Variants in TMEFF1 observed in about 807,000 individuals in gnomAD.
TMEFF1 encodes transmembrane protein with EGF like and two follistatin like domains 1, also known as tomoregulin-1.
A neutral mutation model predicts 47.5 loss-of-function variants in TMEFF1; 20 were observed. The observed-to-expected ratio is 0.42, with a 90% CI of 0.30 to 0.61. The LOEUF (loss-of-function observed/expected upper bound fraction) is 0.61, where lower values mean the gene tolerates loss of function less well. Ranked by LOEUF, TMEFF1 falls within the 20% of genes least tolerant of loss-of-function variation. The probability of loss-of-function intolerance (pLI) is 0.19; values close to 1 mark genes in which losing one functional copy is unlikely to be tolerated. For missense variants in TMEFF1, 411 were observed against 471.1 expected, an observed-to-expected ratio of 0.87 and a Z score of 1.18; for synonymous variants, 162 against 166.3, an observed-to-expected ratio of 0.97 and a Z score of 0.20.
Position 100,513,409 on chromosome 9 carries a change from T to A in TMEFF1, c.463+76T>A, listed in dbSNP as rs545765366. Reference sequence around the variant, plus strand: ...TTTCTTTTTCTTTTTTTTTTTTTTTTTAAATCAGCTTTGAGATATAATTCA... The same window carrying A: ...TTTCTTTTTCTTTTTTTTTTTTTTTATAAATCAGCTTTGAGATATAATTCA... On this transcript the variant is annotated intron_variant, in intron 4 of 9. Coordinates refer to ENST00000374879, the MANE Select transcript of TMEFF1 (RefSeq NM_003692.5). 8.5e-4 allele frequency: 1,236 copies of A among 1,447,126 alleles called. 7 individuals are homozygous for A. In the South Asian group the frequency reaches 9.9e-3, roughly 12 times the overall value. 89.6% of individuals were successfully genotyped at this position (1,447,126 alleles called of 1,614,324 possible).
intron 5 of TMEFF1, among the ~76,000 whole-genome samples, chr9:100,540,329 A>G (rs1838604965): frequency 6.6e-6 from 1 of 152,242 alleles, no homozygotes; most frequent in South Asian, 2.1e-4. Flanking sequence ...GCTAGACAGA[A>G]AAGTTCTCCA....
In TMEFF1 at chr9:100,561,437, C is replaced by T. The variant is rs1839012815; in HGVS notation, c.816C>T (p.His272=). 3.7e-6 allele frequency: 6 copies of T among 1,613,850 alleles called. No homozygotes were observed. Among genetic ancestry groups the T allele is most frequent in the Non-Finnish European group, 5.1e-6 (6 of 1,179,856 alleles). Residue 272 remains histidine (H), a synonymous_variant, in exon 8 of 10, where the codon CAC becomes CAT. Coordinates refer to ENST00000374879, the MANE Select transcript of TMEFF1 (RefSeq NM_003692.5). ...DQREDVYIGN[H]MPCPENLNGY... Reference sequence around the variant, plus strand: ...GAGAAGATGTTTATATTGGAAACCACATGCCTTGCCCTGAAAACCTCAATG... The same window carrying T: ...GAGAAGATGTTTATATTGGAAACCATATGCCTTGCCCTGAAAACCTCAATG...
intron 9 of TMEFF1, among the ~76,000 whole-genome samples, chr9:100,574,042 T>A (rs1184429007): frequency 6.6e-6 from 1 of 152,238 alleles, no homozygotes; most frequent in African/African-American, 2.4e-5. Context: ...TGGAATTGTC[T>A]GGATTTGGAT....
intron 5 of TMEFF1, among the ~76,000 whole-genome samples, chr9:100,542,915 C>T (rs1838659488): frequency 6.8e-6 from 1 of 146,544 alleles, no homozygotes; most frequent in Admixed American, 6.9e-5. Flanking sequence ...TTCCATCTCT[C>T]TCTCTCTCTT....
intron 1 of TMEFF1, among the ~76,000 whole-genome samples, chr9:100,483,569 G>T (rs567873205): frequency 6.6e-6 from 1 of 152,246 alleles, no homozygotes; most frequent in African/African-American, 2.4e-5. Context: ...CAAATTTTGT[G>T]AAAGATTCTT....
chr9:100,560,617 A>G (rs551614417), intron 7 of TMEFF1, among the ~76,000 whole-genome samples: 1 of 152,134 alleles, frequency 6.6e-6, no homozygotes, highest in Non-Finnish European at 1.5e-5. Flanking sequence ...CCAAGTTCCT[A>G]TGTTTTCATC....
intron 5 of TMEFF1, among the ~76,000 whole-genome samples, chr9:100,546,038 G>T (rs962785174): frequency 7.9e-5 from 12 of 152,092 alleles, no homozygotes; most frequent in Non-Finnish European, 7.4e-5. Context: ...ACATTTTCCT[G>T]ACTTCTGAGC....
chr9:100,569,203 A>G (rs1174651048), intron 8 of TMEFF1, among the ~76,000 whole-genome samples: 2 of 152,186 alleles, frequency 1.3e-5, no homozygotes, highest in Non-Finnish European at 2.9e-5. Flanking sequence ...TACCTTTGAC[A>G]ACACTTGTAA....
intron 1 of TMEFF1, among the ~76,000 whole-genome samples, chr9:100,496,028 A>T (rs564448401): frequency 2.0e-4 from 31 of 152,270 alleles, no homozygotes; most frequent in African/African-American, 7.5e-4. Context: ...GGGACTGTTG[A>T]TGTGTCCCAG....
At chr9:100,567,234 A>G (rs1238150656) in intron 8 of TMEFF1, among the ~76,000 whole-genome samples, 1 of 152,096 alleles carries the variant, frequency 6.6e-6, no homozygotes, top group Non-Finnish European at 1.5e-5. Context: ...GGGGACTTGC[A>G]CTGGCTCTTC....
chr9:100,564,523 G>A (rs938343001), intron 8 of TMEFF1, among the ~76,000 whole-genome samples: 4 of 152,306 alleles, frequency 2.6e-5, no homozygotes, highest in African/African-American at 9.6e-5. Flanking sequence ...CGACAAATAA[G>A]TAATTATAAT....
chr9:100,479,385 C>T (rs12236952), intron 1 of TMEFF1, among the ~76,000 whole-genome samples: 11,257 of 152,108 alleles, frequency 0.074, 784 homozygotes, highest in South Asian at 0.24. Context: ...TTATTGAGCA[C>T]GAACAAGATA....
intron 9 of TMEFF1, 129 bp downstream of exon 9, chr9:100,572,805 C>T: frequency 4.3e-6 from 5 of 1,154,092 alleles, no homozygotes; most frequent in Admixed American, 3.3e-5. Flanking sequence ...TCAGTGGTCT[C>T]TCCCTATCCT....
intron 2 of TMEFF1, among the ~76,000 whole-genome samples, chr9:100,499,301 G>A (rs930092184): frequency 2.0e-5 from 3 of 152,026 alleles, no homozygotes; most frequent in Admixed American, 6.6e-5. Flanking sequence ...TTGGAGACTC[G>A]GGGTAAGTCA....
chr9:100,526,227 T>A (rs1294138545), intron 5 of TMEFF1, among the ~76,000 whole-genome samples: 3 of 152,032 alleles, frequency 2.0e-5, no homozygotes, highest in African/African-American at 7.2e-5. Context: ...TTGTATATGA[T>A]TTTTTTTCTC....
intron 5 of TMEFF1, among the ~76,000 whole-genome samples, chr9:100,547,231 G>C (rs1838751439): frequency 6.6e-6 from 1 of 151,974 alleles, no homozygotes; most frequent in South Asian, 2.1e-4. Flanking sequence ...TCCTAGGCTG[G>C]TCTCAAACTC....
At chr9:100,575,877 GC>G (rs1320799029) in intron 9 of TMEFF1, among the ~76,000 whole-genome samples, 1 of 151,962 alleles carries the variant, frequency 6.6e-6, no homozygotes, top group East Asian at 1.9e-4. Context: ...GATTTGTACT[GC>G]TGTTGAGAAA....
intron 1 of TMEFF1, among the ~76,000 whole-genome samples, chr9:100,490,207 A>G (rs1357572892): frequency 1.3e-5 from 2 of 152,200 alleles, no homozygotes; most frequent in Admixed American, 6.5e-5. Flanking sequence ...CCATCTCTGC[A>G]GTTGATGCTT....
At chr9:100,496,974 A>G (rs978656293) in intron 1 of TMEFF1, among the ~76,000 whole-genome samples, 5 of 152,174 alleles carry the variant, frequency 3.3e-5, no homozygotes, top group Admixed American at 6.5e-5. Context: ...ACCCTCTTTT[A>G]CAGGGCAGTT....
Sources: allele counts gnomAD v4.1 joint callset (sites outside exome capture counted in the v4.1 genomes callset), GRCh38; gene constraint gnomAD v4.1.1; transcripts MANE v1.5; gene names NCBI Gene and HGNC (gene_info 2026-07-23, HGNC 2026-07-21).